The following LSAMP variants were observed in gnomAD, a reference collection of about 807,000 sequenced individuals.
LSAMP encodes limbic system associated membrane protein, also known as limbic system-associated membrane protein.
A neutral mutation model predicts 38.6 loss-of-function variants in LSAMP; 7 were observed. The ratio of observed to expected loss-of-function variants is 0.18; its 90% CI spans 0.10 to 0.34. The LOEUF is 0.34. Ranked by LOEUF, LSAMP falls within the 10% of genes least tolerant of loss-of-function variation. The probability of loss-of-function intolerance (pLI) is 1.00; values close to 1 mark genes in which losing one functional copy is unlikely to be tolerated. For synonymous variants in LSAMP, 154 were observed against 166.8 expected (o/e 0.92, Z 0.59); for missense variants, 313 against 420.0 (o/e 0.75, Z 2.23).
At position 115,913,885 on chromosome 3, in the gene LSAMP, AT is replaced by A. The variant is rs1366877644; in HGVS notation, c.515-61269del. On this transcript the variant is annotated intron_variant, in intron 3 of 6. Coordinates refer to ENST00000490035, the MANE Select transcript of LSAMP (RefSeq NM_002338.5). ...CCATCTATGTCACGCTGAATGAACCATGTATTAAACGAATCATGTATTAAAC... is the reference window on the plus strand; with the variant it reads ...CCATCTATGTCACGCTGAATGAACCAGTATTAAACGAATCATGTATTAAAC... Among the ~76,000 whole-genome samples, 4 of 152,190 alleles carry A rather than the reference AT, an allele frequency of 2.6e-5. No homozygotes were observed. In the South Asian group the frequency reaches 8.3e-4, roughly 32 times the overall value.
intron 3 of LSAMP, among the ~76,000 whole-genome samples, chr3:115,958,142 T>A (rs1576256230): frequency 6.6e-6 from 1 of 152,292 alleles, no homozygotes; most frequent in African/African-American, 2.4e-5. Context: ...TAGGAAGGAC[T>A]TGAGGTGTCA....
intron 1 of LSAMP, among the ~76,000 whole-genome samples, chr3:116,207,822 T>C (rs1426574760): frequency 3.9e-5 from 6 of 152,074 alleles, no homozygotes; most frequent in East Asian, 1.9e-4. Context: ...ACCTTTCTCT[T>C]TGGCTGCCCT....
chr3:116,163,829 A>G (rs1030013094), intron 1 of LSAMP, among the ~76,000 whole-genome samples: 29 of 152,282 alleles, frequency 1.9e-4, no homozygotes, highest in Middle Eastern at 3.4e-3. Flanking sequence ...TGTTTTCTTA[A>G]TATCTGGATT....
intron 4 of LSAMP, 84 bp downstream of exon 4, chr3:115,852,398 CT>C: frequency 1.4e-6 from 2 of 1,447,282 alleles, no homozygotes; most frequent in Non-Finnish European, 1.8e-6. Context: ...ATACAATGTT[CT>C]TTTGCTAATG....
At position 116,019,659 on chromosome 3, in the gene LSAMP, A is replaced by T. The variant is rs79931393; in HGVS notation, c.389-19T>A. On this transcript the variant is annotated intron_variant, in intron 2 of 6. Coordinates refer to ENST00000490035, the MANE Select transcript of LSAMP (RefSeq NM_002338.5). ...GGTGGGACTGTGAAAACAAAAGGAA[A>T]TGGAATATGTAACCATGTCAGTAAG... 6,011 of 1,607,960 alleles carry T rather than the reference A, an allele frequency of 3.7e-3. 198 individuals carry two copies. The African/African-American group carries it at 0.071, about 19-fold the overall frequency.
intron 1 of LSAMP, among the ~76,000 whole-genome samples, chr3:116,106,747 C>T (rs1419001354): frequency 6.6e-6 from 1 of 152,020 alleles, no homozygotes; most frequent in Non-Finnish European, 1.5e-5. Context: ...GTAGGAAAGG[C>T]CTCTACCTAT....
At chr3:116,190,310 T>C (rs1420578375) in intron 1 of LSAMP, among the ~76,000 whole-genome samples, 1 of 152,158 alleles carries the variant, frequency 6.6e-6, no homozygotes, top group Non-Finnish European at 1.5e-5. Context: ...TCCCCCCTTT[T>C]TATTAGACGC....
intron 1 of LSAMP, among the ~76,000 whole-genome samples, chr3:116,380,393 A>G (rs1345589038): frequency 6.6e-6 from 1 of 152,022 alleles, no homozygotes; most frequent in Non-Finnish European, 1.5e-5. Context: ...GATCAGTGAT[A>G]TATAATTATG....
chr3:115,861,189 CCTTCCTTCCTTCCTTCCT>C (rs1935685956), intron 3 of LSAMP, among the ~76,000 whole-genome samples: 1 of 108,082 alleles, frequency 9.3e-6, no homozygotes, highest in African/African-American at 3.7e-5. Flanking sequence ...TTCCTTCCTT[CCTTCCTTCCTTCCTTCCT>C]TTCCTTCCTC....
chr3:116,317,984 A>G (rs1037507202), intron 1 of LSAMP, among the ~76,000 whole-genome samples: 2 of 151,492 alleles, frequency 1.3e-5, no homozygotes, highest in African/African-American at 4.8e-5. Flanking sequence ...AAAAGTAGAA[A>G]AATTAGCCAG....
chr3:115,993,328 G>A (rs1314370132), intron 3 of LSAMP, among the ~76,000 whole-genome samples: 2 of 152,000 alleles, frequency 1.3e-5, no homozygotes, highest in Non-Finnish European at 2.9e-5. Flanking sequence ...AATTCATCTA[G>A]CATTTCCATT....
intron 2 of LSAMP, among the ~76,000 whole-genome samples, chr3:116,057,801 C>A (rs1298360690): frequency 6.6e-6 from 1 of 152,094 alleles, no homozygotes; most frequent in Non-Finnish European, 1.5e-5. Flanking sequence ...TACATGGGGG[C>A]ATACTTTCCC....
chr3:116,272,447 G>C (rs976093975), intron 1 of LSAMP, among the ~76,000 whole-genome samples: 5 of 152,124 alleles, frequency 3.3e-5, no homozygotes, highest in African/African-American at 1.2e-4. Context: ...TCAATCCTTT[G>C]ATAATGGCTT....
At chr3:116,375,104 A>G (rs1393045667) in intron 1 of LSAMP, among the ~76,000 whole-genome samples, 1 of 151,982 alleles carries the variant, frequency 6.6e-6, no homozygotes, top group Non-Finnish European at 1.5e-5. Context: ...ATTGCTTTGA[A>G]GTCATGTTAT....
intron 3 of LSAMP, among the ~76,000 whole-genome samples, chr3:115,873,884 C>T (rs1326141105): frequency 6.6e-6 from 1 of 152,048 alleles, no homozygotes; most frequent in Non-Finnish European, 1.5e-5. Context: ...CCCATTTGTT[C>T]CCTCTAAAGA....
intron 1 of LSAMP, among the ~76,000 whole-genome samples, chr3:116,146,492 G>A (rs1709493151): frequency 6.6e-6 from 1 of 151,806 alleles, no homozygotes; most frequent in Admixed American, 6.6e-5. Flanking sequence ...AGCTCAATAT[G>A]AGTCAATAAT....
chr3:115,852,705 C>T (rs182595895), intron 3 of LSAMP, 88 bp from the exon 4 acceptor site: 2 of 1,251,228 alleles, frequency 1.6e-6, no homozygotes, highest in Non-Finnish European at 2.2e-6. Flanking sequence ...GCCATAAATC[C>T]ACATTTCTTT....
chr3:116,310,628 A>G (rs2107716457), intron 1 of LSAMP, among the ~76,000 whole-genome samples: 1 of 152,284 alleles, frequency 6.6e-6, no homozygotes, highest in East Asian at 1.9e-4. Flanking sequence ...TGGCCTTTGA[A>G]GTTGTGATTC....
chr3:116,113,570 C>G (rs1416475701), intron 1 of LSAMP, among the ~76,000 whole-genome samples: 1 of 149,222 alleles, frequency 6.7e-6, no homozygotes, highest in Non-Finnish European at 1.5e-5. Context: ...GGACTACAGG[C>G]GCCCGCCACT....
Sources: gnomAD v4.1 joint callset for allele counts (sites outside exome capture counted in the v4.1 genomes callset) on GRCh38, gnomAD v4.1.1 for gene constraint, MANE v1.5 for transcripts, NCBI Gene and HGNC (gene_info 2026-07-23, HGNC 2026-07-21) for gene names.